OVCH2: variants seen among roughly 807,000 people sequenced by gnomAD.
OVCH2 encodes the protein ovochymase 2.
Under a neutral mutation model 73.7 loss-of-function variants are expected in OVCH2, and 88 were observed. The ratio of observed to expected loss-of-function variants is 1.19; its 90% CI spans 1.01 to 1.43. The LOEUF (loss-of-function observed/expected upper bound fraction) is 1.43, where lower values mean the gene tolerates loss of function less well. Among genes scored for constraint, OVCH2 ranks in the 40% most tolerant of loss-of-function variants. The pLI, the probability that OVCH2 is intolerant of heterozygous loss-of-function variation, is 0.00. For missense variants in OVCH2, 706 were observed against 674.5 expected, an observed-to-expected ratio of 1.05 and a Z score of -0.52; for synonymous variants, 265 against 234.5, an observed-to-expected ratio of 1.13 and a Z score of -1.19.
At chr11:7,692,835 C>G (rs185393843) in intron 12 of OVCH2, among the ~76,000 whole-genome samples, 1 of 152,278 alleles carries the variant, frequency 6.6e-6, no homozygotes, top group East Asian at 1.9e-4. Context: ...CATGACAAAC[C>G]TTTTCTCATA....
chr11:7,702,032 C>G, intron 4 of OVCH2, 125 bp downstream of exon 4: 2 of 934,844 alleles, frequency 2.1e-6, no homozygotes, highest in Non-Finnish European at 3.2e-6. Flanking sequence ...TCAGGTAGGA[C>G]TCTCCAGCCT....
In OVCH2 at chr11:7,702,749, T is replaced by G. The variant is rs554806477; in HGVS notation, c.291-420A>C. Among the ~76,000 whole-genome samples, 21 of 152,288 alleles carry G rather than the reference T, an allele frequency of 1.4e-4. No individual in the cohort carries two copies. In the East Asian group the frequency reaches 3.9e-3, roughly 28 times the overall value. On this transcript the variant is annotated intron_variant, in intron 3 of 15. Transcript: ENST00000533663. ...TGCTACTTCAATGTCAGAGATCCTA[T>G]GCTTAGTATATATTATAAGGCACAG...
In OVCH2 at chr11:7,695,106, C is replaced by A; in HGVS notation, c.1365G>T (p.Lys455Asn). The A allele has an allele frequency of 6.4e-7, 1 of 1,552,320 alleles. No homozygotes were observed. The highest frequency in any genetic ancestry group is 2.4e-5 in the East Asian group (1 of 40,990). Reference protein sequence around the residue: ...SLNYPENYSDKANCDWIFQAS... With the variant: ...SLNYPENYSDNANCDWIFQAS... ...CTTGAAAAATCCAGTCACAGTTAGC[C>A]TTGTCACTGTAGTTTTCAGGATAGT... The change falls in exon 12 of 16, where the codon AAG becomes AAT. Residue 455 changes from lysine (K) to asparagine (N), a missense_variant. Coordinates refer to ENST00000533663, the MANE Select transcript of OVCH2 (RefSeq NM_198185.7).
At chr11:7,704,917 G>C (rs533272096) in intron 1 of OVCH2, among the ~76,000 whole-genome samples, 1 of 152,208 alleles carries the variant, frequency 6.6e-6, no homozygotes, top group Admixed American at 6.5e-5. Flanking sequence ...AGGTTTGCTA[G>C]GTAATAGAAG....
the OVCH2 span, among the ~76,000 whole-genome samples, chr11:7,684,401 C>T: frequency 1.3e-5 from 2 of 151,828 alleles, no homozygotes; most frequent in African/African-American, 4.8e-5. Context: ...GCCAACAGAG[C>T]TGAGGACCTG....
chr11:7,696,074 C>A (rs1317859320), intron 10 of OVCH2, among the ~76,000 whole-genome samples: 1 of 152,182 alleles, frequency 6.6e-6, no homozygotes, highest in Non-Finnish European at 1.5e-5. Flanking sequence ...AACCTGTCTC[C>A]TTCTCATGGT....
At chr11:7,692,460 C>G (rs1856240246) in intron 12 of OVCH2, among the ~76,000 whole-genome samples, 1 of 152,124 alleles carries the variant, frequency 6.6e-6, no homozygotes, top group South Asian at 2.1e-4. Flanking sequence ...GTCTTTCTAC[C>G]CAGCGGGATA....
rs370748900 is a variant in OVCH2 at position 7,696,802 on chromosome 11, G to T, written c.926-3C>A. 4 of 1,604,486 alleles carry T rather than the reference G, an allele frequency of 2.5e-6. No individual in the cohort carries two copies. The highest frequency in any genetic ancestry group is 3.4e-6 in the Non-Finnish European group (4 of 1,175,608). On this transcript the variant is annotated splice_region_variant and splice_polypyrimidine_tract_variant and intron_variant, in intron 8 of 15. Transcript: ENST00000533663. Reference sequence around the variant, plus strand: ...GACATCCTGCTCACTGCACCAGGCTGGGAGGGAAAGCCAGGAGAGTCAGGG... The same window carrying T: ...GACATCCTGCTCACTGCACCAGGCTTGGAGGGAAAGCCAGGAGAGTCAGGG...
intron 12 of OVCH2, among the ~76,000 whole-genome samples, 178 bp from the exon 13 acceptor site, chr11:7,692,173 C>G (rs1856235615): frequency 6.6e-6 from 1 of 152,194 alleles, no homozygotes; most frequent in Non-Finnish European, 1.5e-5. Flanking sequence ...ATCACAGGCT[C>G]TAACTTTTTG....
At chr11:7,679,023 T>A in the OVCH2 span, among the ~76,000 whole-genome samples, 14 of 152,238 alleles carry the variant, frequency 9.2e-5, no homozygotes, top group South Asian at 2.1e-4. Context: ...AAGTGTTTAA[T>A]CTTGAAAATA....
chr11:7,700,541 G>T (rs554082421), intron 6 of OVCH2, 56 bp from the exon 7 acceptor site: 3 of 1,523,510 alleles, frequency 2.0e-6, no homozygotes, highest in Admixed American at 4.2e-5. Flanking sequence ...GCCCCAAAAT[G>T]CTCACTGTTT....
At chr11:7,685,680 CTA>C (rs1856134673), downstream of OVCH2, among the ~76,000 whole-genome samples, 1 of 152,170 alleles carries the variant, frequency 6.6e-6, no homozygotes, top group African/African-American at 2.4e-5. Context: ...TGCCCATACT[CTA>C]TGTTACACTA....
At chr11:7,700,520 T>C (rs768418128) in intron 6 of OVCH2, 35 bp from the exon 7 acceptor site, 51 of 1,560,332 alleles carry the variant, frequency 3.3e-5, no homozygotes, top group Non-Finnish European at 4.4e-5. Context: ...AGCATCACTG[T>C]CAGTGTCTAT....
At chr11:7,701,240 T>A in intron 6 of OVCH2, 84 bp downstream of exon 6, 1 of 1,455,710 alleles carries the variant, frequency 6.9e-7, no homozygotes, top group Non-Finnish European at 9.1e-7. Context: ...AAATTAAATT[T>A]CACTGAAATT....
chr11:7,693,516 T>G (rs1856261126), intron 12 of OVCH2, among the ~76,000 whole-genome samples: 1 of 152,186 alleles, frequency 6.6e-6, no homozygotes, highest in Admixed American at 6.5e-5. Flanking sequence ...CAAACTTTAC[T>G]TATTGAAGAG....
At chr11:7,696,643 A>T (rs1856340197) in intron 9 of OVCH2, 54 bp from the exon 10 acceptor site, 3 of 1,613,968 alleles carry the variant, frequency 1.9e-6, no homozygotes, top group Admixed American at 1.7e-5. Context: ...CGACTATCAC[A>T]GTCCAATTGG....
chr11:7,685,798 G>A (rs564888783), downstream of OVCH2, among the ~76,000 whole-genome samples: 1 of 152,144 alleles, frequency 6.6e-6, no homozygotes, highest in Admixed American at 6.5e-5. Flanking sequence ...ATCTAGCTCA[G>A]CTAGGCATGT....
intron 8 of OVCH2, among the ~76,000 whole-genome samples, chr11:7,698,321 C>T (rs1008265520): frequency 1.3e-5 from 2 of 152,190 alleles, no homozygotes; most frequent in African/African-American, 4.8e-5. Flanking sequence ...CTGGCCCACA[C>T]TATTTTCTTT....
intron 2 of OVCH2, among the ~76,000 whole-genome samples, chr11:7,704,206 C>A (rs930264825): frequency 1.3e-5 from 2 of 152,150 alleles, no homozygotes; most frequent in African/African-American, 4.8e-5. Flanking sequence ...GGGAGCCTTT[C>A]AACACATACT....
Sources: allele counts gnomAD v4.1 joint callset (sites outside exome capture counted in the v4.1 genomes callset), GRCh38; gene constraint gnomAD v4.1.1; transcripts MANE v1.5; gene names NCBI Gene and HGNC (gene_info 2026-07-23, HGNC 2026-07-21).